KCNH1: variants seen among roughly 807,000 people sequenced by gnomAD.
The protein encoded by KCNH1 is voltage-gated delayed rectifier potassium channel KCNH1.
Under a neutral mutation model 69.2 loss-of-function variants are expected in KCNH1, and 27 were observed. That is an observed-to-expected ratio of 0.39 (90% CI 0.29 to 0.54). The LOEUF (loss-of-function observed/expected upper bound fraction) is 0.54, where lower values mean the gene tolerates loss of function less well. Ranked by LOEUF, KCNH1 falls within the 20% of genes least tolerant of loss-of-function variation. The probability of loss-of-function intolerance (pLI) is 0.68; values close to 1 mark genes in which losing one functional copy is unlikely to be tolerated. For missense variants in KCNH1, 798 were observed against 1,261.6 expected (o/e 0.63, Z 5.57); for synonymous variants, 456 against 487.7 (o/e 0.93, Z 0.86).
intron 5 of KCNH1, among the ~76,000 whole-genome samples, chr1:211,067,172 C>T (rs1176465017): frequency 4.6e-5 from 7 of 152,168 alleles, no homozygotes; most frequent in South Asian, 2.1e-4. Context: ...TCCTGCTGAG[C>T]GGGACTGCTG....
chr1:210,713,703 A>ATAAG (rs1440159390), intron 10 of KCNH1, among the ~76,000 whole-genome samples: 8 of 152,168 alleles, frequency 5.3e-5, no homozygotes, highest in Non-Finnish European at 7.3e-5. Flanking sequence ...TTCAGCCCCA[A>ATAAG]TAAGTCCTTA....
chr1:210,773,822 C>T (rs1683800524), intron 10 of KCNH1, among the ~76,000 whole-genome samples: 1 of 152,104 alleles, frequency 6.6e-6, no homozygotes, highest in Admixed American at 6.5e-5. Context: ...TTTAGGTTCC[C>T]AGAGATAGGG....
chr1:211,060,539 TAAA>T (rs1301789250), intron 5 of KCNH1, among the ~76,000 whole-genome samples: 1 of 129,490 alleles, frequency 7.7e-6, no homozygotes, highest in Non-Finnish European at 1.7e-5. Flanking sequence ...AGAAATGAAA[TAAA>T]AGCTGGTTTT....
At chr1:211,016,661 C>A (rs1417691672) in intron 6 of KCNH1, among the ~76,000 whole-genome samples, 1 of 152,010 alleles carries the variant, frequency 6.6e-6, no homozygotes, top group African/African-American at 2.4e-5. Flanking sequence ...GTAATCCCAG[C>A]TCTTTAGGAG....
intron 10 of KCNH1, among the ~76,000 whole-genome samples, chr1:210,728,672 C>T (rs756421125): frequency 6.6e-6 from 1 of 152,244 alleles, no homozygotes; most frequent in African/African-American, 2.4e-5. Context: ...TCCAGGGACG[C>T]AGCTGCCACA....
intron 6 of KCNH1, among the ~76,000 whole-genome samples, chr1:211,012,024 C>T (rs535711732): frequency 3.3e-5 from 5 of 152,282 alleles, no homozygotes; most frequent in African/African-American, 4.8e-5. Context: ...TGCACTCATC[C>T]GCAGCACTTC....
intron 10 of KCNH1, among the ~76,000 whole-genome samples, chr1:210,714,526 G>A (rs976696432): frequency 2.0e-5 from 3 of 152,114 alleles, no homozygotes; most frequent in African/African-American, 4.8e-5. Context: ...ACAACGGTAC[G>A]TGCAATGAGC....
chr1:211,119,911 C>T (rs1253228529), intron 1 of KCNH1, among the ~76,000 whole-genome samples: 1 of 152,102 alleles, frequency 6.6e-6, no homozygotes, highest in East Asian at 1.9e-4. Context: ...TGGGTAGTTA[C>T]CCCTAAGTAC....
chr1:210,955,388 C>CTT (rs1301306834), intron 6 of KCNH1, among the ~76,000 whole-genome samples: 1 of 152,116 alleles, frequency 6.6e-6, no homozygotes, highest in African/African-American at 2.4e-5. Context: ...TATGTGGACT[C>CTT]TTTTTTGGTT....
At chr1:211,129,738 A>G (rs1447138970) in intron 1 of KCNH1, among the ~76,000 whole-genome samples, 1 of 152,226 alleles carries the variant, frequency 6.6e-6, no homozygotes, top group East Asian at 1.9e-4. Flanking sequence ...ACCCATGAGG[A>G]GACACAACAT....
chr1:210,964,771 T>C (rs532167671), intron 6 of KCNH1, among the ~76,000 whole-genome samples: 2 of 152,260 alleles, frequency 1.3e-5, no homozygotes, highest in Non-Finnish European at 2.9e-5. Flanking sequence ...ATCATCCTGA[T>C]ATCAAAACCT....
At chr1:210,726,554 G>A (rs1243860820) in intron 10 of KCNH1, among the ~76,000 whole-genome samples, 2 of 152,136 alleles carry the variant, frequency 1.3e-5, no homozygotes, top group African/African-American at 4.8e-5. Context: ...CCTTGGGCTA[G>A]TTCACAGCCC....
intron 7 of KCNH1, among the ~76,000 whole-genome samples, chr1:210,877,354 G>A (rs1448213191): frequency 1.3e-5 from 2 of 152,136 alleles, no homozygotes; most frequent in Non-Finnish European, 2.9e-5. Flanking sequence ...AAACAGCAAG[G>A]AAAGTGGCTC....
intron 7 of KCNH1, among the ~76,000 whole-genome samples, chr1:210,915,098 G>A (rs80132336): frequency 0.016 from 2,438 of 152,166 alleles, 44 homozygotes; most frequent in Non-Finnish European, 0.021. Flanking sequence ...GTCCCTAACC[G>A]GAGACCTCCC....
chr1:210,804,357 C>T (rs548086546), intron 7 of KCNH1, among the ~76,000 whole-genome samples, 191 bp from the exon 8 acceptor site: 1 of 152,158 alleles, frequency 6.6e-6, no homozygotes, highest in African/African-American at 2.4e-5. Context: ...AAAGAAAGAG[C>T]CTCTTACCAC....
At chr1:211,059,756 T>TGAGAGA (rs56144734) in intron 5 of KCNH1, among the ~76,000 whole-genome samples, 2 of 146,558 alleles carry the variant, frequency 1.4e-5, no homozygotes, top group Non-Finnish European at 3.0e-5. Context: ...AAAAAAAGAG[T>TGAGAGA]GAGAGAGAGA....
chr1:211,081,139 C>G (rs1438447270), intron 5 of KCNH1, among the ~76,000 whole-genome samples: 3 of 152,140 alleles, frequency 2.0e-5, no homozygotes, highest in Admixed American at 6.5e-5. Flanking sequence ...CAAACAACCC[C>G]ATCAAAAAGT....
chr1:211,031,783 G>A (rs923862400), intron 5 of KCNH1, among the ~76,000 whole-genome samples: 2 of 152,102 alleles, frequency 1.3e-5, no homozygotes, highest in African/African-American at 2.4e-5. Flanking sequence ...AGCTATCTAT[G>A]ACAAACCCAT....
At position 210,920,059 on chromosome 1, in the gene KCNH1, C is replaced by T; in HGVS notation, c.1043G>A (p.Ser348Asn). The part of the protein sequence containing the change: ...LEGRESQGIS[S>N]LFSSLKVVRL... Reference sequence around the variant, plus strand: ...GACAACTTTTAGAGAGCTGAACAGGCTGCTGATGCCCTGGGAGAAGAGGAA... The same window carrying T: ...GACAACTTTTAGAGAGCTGAACAGGTTGCTGATGCCCTGGGAGAAGAGGAA... Residue 348 changes from serine (S) to asparagine (N), a missense_variant, in exon 7 of 11, where the codon AGC (serine) becomes AAC (asparagine). Around this residue, in one of 4 missense-constraint regions of KCNH1, gnomAD observed 266 missense variants for 457.2 expected, o/e 0.58. Transcript: ENST00000271751. 6.2e-7 allele frequency: 1 copy of T among 1,612,158 alleles called. No homozygotes were observed. The highest frequency in any genetic ancestry group is 8.5e-7 in the Non-Finnish European group (1 of 1,178,592).
Sources: allele counts gnomAD v4.1 joint callset (sites outside exome capture counted in the v4.1 genomes callset), GRCh38; gene constraint gnomAD v4.1.1; regional missense constraint gnomAD v4.1.1; transcripts MANE v1.5; gene names NCBI Gene and HGNC (gene_info 2026-07-23, HGNC 2026-07-21).